The following PIEZO2 variants were observed in gnomAD, a reference collection of about 807,000 sequenced individuals.
The protein encoded by PIEZO2 is piezo type mechanosensitive ion channel component 2, also known as piezo-type mechanosensitive ion channel component 2.
PIEZO2 carries 172 observed loss-of-function variants against 337.3 expected under a neutral mutation model. That is an observed-to-expected ratio of 0.51 (90% CI 0.45 to 0.58). The LOEUF (loss-of-function observed/expected upper bound fraction) is 0.58, where lower values mean the gene tolerates loss of function less well. Ranked by LOEUF, PIEZO2 falls within the 20% of genes least tolerant of loss-of-function variation. The pLI is 0.00. For synonymous variants in PIEZO2, 1,251 were observed against 1,228.5 expected (o/e 1.02, Z -0.38); for missense variants, 3,028 against 3,391.3 (o/e 0.89, Z 2.66).
At position 11,035,004 on chromosome 18, in the gene PIEZO2, C is replaced by T. The variant is rs1193964475; in HGVS notation, c.160+31123G>A. On this transcript the variant is annotated intron_variant, in intron 2 of 55. Transcript: ENST00000674853. The surrounding 1 kb of genome is among the most constrained non-coding windows in gnomAD (Gnocchi z 4.3). Reference sequence around the variant, plus strand: ...ACGTTAGGAATGAGTCAGAAGGTAACTCAAGGTCTTCTCAGCCTGCAGAGC... The same window carrying T: ...ACGTTAGGAATGAGTCAGAAGGTAATTCAAGGTCTTCTCAGCCTGCAGAGC... 6.6e-6 allele frequency among the ~76,000 whole-genome samples: 1 copy of T among 152,216 alleles called. No individual in the cohort carries two copies. The highest frequency in any genetic ancestry group is 6.5e-5 in the Admixed American group (1 of 15,288).
rs2042288141 is a variant in PIEZO2 at position 10,877,123 on chromosome 18, T to TGG, written c.330-5709_330-5708insCC. ...CACCAGACTCTTCTCTACGTCCTAC[T>TGG]TAATTGTTGATGAGTCCACAAAATT... On this transcript the variant is annotated intron_variant, in intron 4 of 55. Transcript: ENST00000674853. This position sits in a 1 kb window ranked among gnomAD's most constrained non-coding sequence, Gnocchi z 5.3. Among the ~76,000 whole-genome samples the TGG allele has an allele frequency of 6.6e-6, 1 of 152,224 alleles. No individual in the cohort carries two copies. The highest frequency in any genetic ancestry group is 6.5e-5 in the Admixed American group (1 of 15,282).
At chr18:11,119,356 T>C (rs1185857121) in intron 1 of PIEZO2, among the ~76,000 whole-genome samples, 2 of 152,174 alleles carry the variant, frequency 1.3e-5, no homozygotes, top group Non-Finnish European at 2.9e-5. Context: ...GCCAGGATGG[T>C]CTTGATCTCT....
Position 10,724,782 on chromosome 18 carries a change from A to T in PIEZO2, c.5030-6523T>A. 1.3e-6 allele frequency: 2 copies of T among 1,580,732 alleles called. No homozygotes were observed. Among genetic ancestry groups the T allele is most frequent in the Non-Finnish European group, 8.6e-7 (1 of 1,161,406 alleles). On this transcript the variant is annotated intron_variant, in intron 36 of 55. Coordinates refer to ENST00000674853, the MANE Select transcript of PIEZO2 (RefSeq NM_001378183.1). This position sits in a 1 kb window ranked among gnomAD's most constrained non-coding sequence, Gnocchi z 5.8. ...TGCCCGTGGCTCTGGCAGTCCCCCC[A>T]GCACTGCAGCCCCAGCCTGAGCAGC...
chr18:10,750,077 C>G lies in PIEZO2; in HGVS notation c.4264+14G>C, dbSNP rs2037587031. 1 of 1,526,848 alleles carries G rather than the reference C, an allele frequency of 6.5e-7. No individual in the cohort carries two copies. Among genetic ancestry groups the G allele is most frequent in the Admixed American group, 2.0e-5 (1 of 50,966 alleles). The allele number at this position is 1,526,848 out of a possible 1,614,324, so 94.6% of individuals were successfully genotyped here. On this transcript the variant is annotated intron_variant, in intron 29 of 55. Transcript: ENST00000674853. The surrounding 1 kb of genome is among the most constrained non-coding windows in gnomAD (Gnocchi z 4.1). ...TTCTGCCTTTCTGCCTTCACACTTG[C>G]TTTTCATACTTACGCATTTGATAGC...
chr18:10,737,929 A>G (rs1244741433), intron 33 of PIEZO2: 1 of 152,240 alleles, frequency 6.6e-6, no homozygotes, highest in Non-Finnish European at 1.5e-5. Flanking sequence ...TTGCTTGAAT[A>G]TCACTTCACA....
chr18:10,848,535 A>T (rs1210510074), intron 7 of PIEZO2, among the ~76,000 whole-genome samples: 3 of 152,260 alleles, frequency 2.0e-5, no homozygotes, highest in Non-Finnish European at 2.9e-5. Flanking sequence ...TATTTAAGAG[A>T]GAATGCTATT....
At position 10,862,704 on chromosome 18, in the gene PIEZO2, G is replaced by A. The variant is rs2041907654; in HGVS notation, c.493-5493C>T. ...GCTCAACCTCAAACTTACTAAATCA[G>A]AAATTATGGGAATGAATTCCAGGAA... On this transcript the variant is annotated intron_variant, in intron 5 of 55. Coordinates refer to ENST00000674853, the MANE Select transcript of PIEZO2 (RefSeq NM_001378183.1). The surrounding 1 kb of genome is among the most constrained non-coding windows in gnomAD (Gnocchi z 4.4). Among the ~76,000 whole-genome samples, 1 of 152,166 alleles carries A rather than the reference G, an allele frequency of 6.6e-6. No homozygotes were observed. The highest frequency in any genetic ancestry group is 2.1e-4 in the South Asian group (1 of 4,830).
chr18:10,726,215 G>A lies in PIEZO2; in HGVS notation c.5029+5192C>T, dbSNP rs971457327. Reference sequence around the variant, plus strand: ...TGGGTGCGAGTCCACCGGAGGAGGGGCTTCACGCTGCCTGGGGCTGGAAGA... The same window carrying A: ...TGGGTGCGAGTCCACCGGAGGAGGGACTTCACGCTGCCTGGGGCTGGAAGA... On this transcript the variant is annotated intron_variant, in intron 36 of 55. Coordinates refer to ENST00000674853, the MANE Select transcript of PIEZO2 (RefSeq NM_001378183.1). The surrounding 1 kb of genome is among the most constrained non-coding windows in gnomAD (Gnocchi z 5.9). 6.6e-6 allele frequency among the ~76,000 whole-genome samples: 1 copy of A among 152,132 alleles called. No homozygotes were observed. The highest frequency in any genetic ancestry group is 1.5e-5 in the Non-Finnish European group (1 of 68,018).
At chr18:10,917,908 T>C (rs564502086) in intron 3 of PIEZO2, among the ~76,000 whole-genome samples, 30 of 152,182 alleles carry the variant, frequency 2.0e-4, no homozygotes, top group Non-Finnish European at 3.5e-4. Context: ...TTTTAACTCT[T>C]CAGAGGAAGA....
chr18:10,966,459 C>T (rs539734074), intron 3 of PIEZO2, among the ~76,000 whole-genome samples: 4 of 152,186 alleles, frequency 2.6e-5, no homozygotes, highest in Admixed American at 6.5e-5. Flanking sequence ...TGTTTCATAA[C>T]ACAAATCTTT....
intron 1 of PIEZO2, among the ~76,000 whole-genome samples, chr18:11,123,906 AGATTTTAAAGAG>A (rs2040106184): frequency 2.9e-5 from 1 of 34,452 alleles, no homozygotes; most frequent in Non-Finnish European, 1.6e-4. Flanking sequence ...CTGAAAGAGT[AGATTTTAAAGAG>A]TAGATTTTAA....
At chr18:10,705,031 A>T (rs995863747) in intron 41 of PIEZO2, among the ~76,000 whole-genome samples, 6 of 152,114 alleles carry the variant, frequency 3.9e-5, no homozygotes, top group Admixed American at 3.3e-4. Context: ...ATTTTCATTT[A>T]GCACCATCCT....
chr18:10,992,603 C>T lies in PIEZO2; in HGVS notation c.161-12943G>A, dbSNP rs545462254. On this transcript the variant is annotated intron_variant, in intron 2 of 55. Transcript: ENST00000674853. ...TTGGTCTATATCTCTGTTTTGGTACCACTGCCATGCTGTTTTGGTTGTTGT... is the reference window on the plus strand; with the variant it reads ...TTGGTCTATATCTCTGTTTTGGTACTACTGCCATGCTGTTTTGGTTGTTGT... Among the ~76,000 whole-genome samples, 5 of 152,268 alleles carry T rather than the reference C, an allele frequency of 3.3e-5. No individual in the cohort carries two copies. The South Asian group carries it at 1.0e-3, about 32-fold the overall frequency.
chr18:11,116,113 A>G lies in PIEZO2; in HGVS notation c.64+32412T>C, dbSNP rs572187600. On this transcript the variant is annotated intron_variant, in intron 1 of 55. Coordinates refer to ENST00000674853, the MANE Select transcript of PIEZO2 (RefSeq NM_001378183.1). The surrounding 1 kb of genome is among the most constrained non-coding windows in gnomAD (Gnocchi z 5.0). ...AAACATAATACAGTACCCTGTAAAG[A>G]TACAGTAGCTATAATTGCTATTTCC... is the stretch of plus-strand genomic sequence containing the variant. Among the ~76,000 whole-genome samples, 5 of 152,340 alleles carry G rather than the reference A, an allele frequency of 3.3e-5. No individual in the cohort carries two copies. Among genetic ancestry groups the G allele is most frequent in the South Asian group, 2.1e-4 (1 of 4,826 alleles).
chr18:11,001,929 GGAAGGAAGGAAGGAA>G lies in PIEZO2; in HGVS notation c.161-22284_161-22270del, dbSNP rs2035555003. 6.7e-6 allele frequency among the ~76,000 whole-genome samples: 1 copy of G among 149,958 alleles called. No individual in the cohort carries two copies. The highest frequency in any genetic ancestry group is 6.7e-5 in the Admixed American group (1 of 14,954). On this transcript the variant is annotated intron_variant, in intron 2 of 55. Transcript: ENST00000674853. The surrounding 1 kb of genome is among the most constrained non-coding windows in gnomAD (Gnocchi z 5.3). ...AAGAAGGAAGGAAGGAAGGAAGGAA[GGAAGGAAGGAAGGAA>G]GGAAGAAAAAAAGACTTGGAAGGAG...
At position 10,834,652 on chromosome 18, in the gene PIEZO2, G is replaced by C. The variant is rs771311484; in HGVS notation, c.917+20701C>G. On this transcript the variant is annotated intron_variant, in intron 7 of 55. Coordinates refer to ENST00000674853, the MANE Select transcript of PIEZO2 (RefSeq NM_001378183.1). This position sits in a 1 kb window ranked among gnomAD's most constrained non-coding sequence, Gnocchi z 4.5. ...GGTATCATGTAAGCAACTGTAGGAAGAAGAAGCCAAAGCCGCAGGAGGCTA... is the reference window on the plus strand; with the variant it reads ...GGTATCATGTAAGCAACTGTAGGAACAAGAAGCCAAAGCCGCAGGAGGCTA... 1.6e-4 allele frequency among the ~76,000 whole-genome samples: 25 copies of C among 152,156 alleles called. No individual in the cohort carries two copies. The highest frequency in any genetic ancestry group is 5.9e-5 in the Non-Finnish European group (4 of 68,030).
At chr18:10,933,510 G>A (rs1334038288) in intron 3 of PIEZO2, among the ~76,000 whole-genome samples, 1 of 152,148 alleles carries the variant, frequency 6.6e-6, no homozygotes, top group Admixed American at 6.5e-5. Context: ...GCTACACAGA[G>A]TCCCGCTACC....
chr18:11,106,914 G>T (rs1221077604), intron 1 of PIEZO2, among the ~76,000 whole-genome samples: 1 of 152,182 alleles, frequency 6.6e-6, no homozygotes, highest in Non-Finnish European at 1.5e-5. Flanking sequence ...AGTTGAGGCA[G>T]TTCGGCTGAG....
At position 10,815,337 on chromosome 18, in the gene PIEZO2, C is replaced by T. The variant is rs2040330451; in HGVS notation, c.918-8063G>A. Among the ~76,000 whole-genome samples, 1 of 152,106 alleles carries T rather than the reference C, an allele frequency of 6.6e-6. No homozygotes were observed. The highest frequency in any genetic ancestry group is 2.4e-5 in the African/African-American group (1 of 41,412). ...ATCCAGACATGGATTCGAGCCCTGC[C>T]TGAATGATTACCTACGTGACCCTGA... On this transcript the variant is annotated intron_variant, in intron 7 of 55. Transcript: ENST00000674853. The surrounding 1 kb of genome is among the most constrained non-coding windows in gnomAD (Gnocchi z 4.1).
Sources: allele counts gnomAD v4.1 joint callset (sites outside exome capture counted in the v4.1 genomes callset), GRCh38; gene constraint gnomAD v4.1.1; non-coding constraint Gnocchi (gnomAD v3.1); transcripts MANE v1.5; gene names NCBI Gene and HGNC (gene_info 2026-07-23, HGNC 2026-07-21).